RAI1: variants seen among roughly 807,000 people sequenced by gnomAD.
The protein encoded by RAI1 is retinoic acid-induced protein 1.
RAI1 carries 9 observed loss-of-function variants against 123.8 expected under a neutral mutation model. That is an observed-to-expected ratio of 0.07 (90% CI 0.04 to 0.13). The LOEUF (loss-of-function observed/expected upper bound fraction) is 0.13, where lower values mean the gene tolerates loss of function less well. Among genes scored for constraint, RAI1 ranks in the 10% least tolerant of loss-of-function variants. The probability of loss-of-function intolerance (pLI) is 1.00; values close to 1 mark genes in which losing one functional copy is unlikely to be tolerated. For missense variants in RAI1, 2,256 were observed against 2,545.8 expected, an observed-to-expected ratio of 0.89 and a Z score of 2.45; for synonymous variants, 1,231 against 1,127.3, an observed-to-expected ratio of 1.09 and a Z score of -1.84.
At chr17:17,748,510 A>G (rs2030016011) in intron 2 of RAI1, among the ~76,000 whole-genome samples, 1 of 152,224 alleles carries the variant, frequency 6.6e-6, no homozygotes, top group African/African-American at 2.4e-5. Flanking sequence ...GTCATGTTTA[A>G]TTTGTACCAA....
Position 17,810,895 on chromosome 17 carries a change from A to G in RAI1, c.*914A>G, listed in dbSNP as rs1481964095. The G allele has an allele frequency of 4.7e-6, 2 of 425,332 alleles. No individual in the cohort carries two copies. The highest frequency in any genetic ancestry group is 9.7e-6 in the Non-Finnish European group (2 of 205,346). The allele number at this position is 425,332 out of a possible 1,614,324, so 26.3% of individuals were successfully genotyped here. A position where few individuals can be genotyped will look rare whatever the true frequency, so the allele number is the denominator to read the frequency against. ...GACAGCGCTAGATTTCGTGTACAAA[A>G]CCTGTGTACCCCTCTATATATATGT... On this transcript the variant is annotated 3_prime_UTR_variant, in exon 6 of 6. Transcript: ENST00000353383. This position sits in a 1 kb window ranked among gnomAD's most constrained non-coding sequence, Gnocchi z 4.6.
intron 2 of RAI1, among the ~76,000 whole-genome samples, chr17:17,728,412 C>T (rs1335949881): frequency 6.6e-6 from 1 of 152,148 alleles, no homozygotes; most frequent in Non-Finnish European, 1.5e-5. Flanking sequence ...ACGATTATAT[C>T]CTGATTGAGC....
At chr17:17,719,187 G>A (rs1217514450) in intron 1 of RAI1, among the ~76,000 whole-genome samples, 1 of 152,086 alleles carries the variant, frequency 6.6e-6, no homozygotes, top group Non-Finnish European at 1.5e-5. Flanking sequence ...ACCACCCAAG[G>A]GAAAGCGTGT....
chr17:17,709,106 T>C (rs2142901561), intron 1 of RAI1, among the ~76,000 whole-genome samples: 1 of 152,058 alleles, frequency 6.6e-6, no homozygotes, highest in Non-Finnish European at 1.5e-5. Flanking sequence ...TCCCATATGC[T>C]CCAGCAGCCA....
At chr17:17,761,663 A>G (rs2030702884) in intron 2 of RAI1, among the ~76,000 whole-genome samples, 3 of 152,056 alleles carry the variant, frequency 2.0e-5, no homozygotes, top group Non-Finnish European at 4.4e-5. Context: ...GGAGGCACAA[A>G]AGGTTGGGAG....
intron 2 of RAI1, among the ~76,000 whole-genome samples, chr17:17,725,615 A>C (rs1598037476): frequency 6.6e-6 from 1 of 152,210 alleles, no homozygotes; most frequent in East Asian, 1.9e-4. Context: ...ATGCAGAGGA[A>C]GGGGAGAGGT....
chr17:17,794,562 C>T lies in RAI1; in HGVS notation c.1614C>T (p.Ser538=), dbSNP rs528659798. 1.2e-6 allele frequency: 2 copies of T among 1,613,060 alleles called. No individual in the cohort carries two copies. The highest frequency in any genetic ancestry group is 1.7e-6 in the Non-Finnish European group (2 of 1,180,032). ...TCTACTGCAACCAGGCCCGTGGCAG[C>T]CCTGCCAGGGTCAACAGCAACTCGA... ...SFLYCNQARG[S]PARVNSNSKA... is the part of the protein sequence containing the mutation. The change falls in exon 3 of 6, where the codon AGC becomes AGT. Residue 538 remains serine, a synonymous_variant. Transcript: ENST00000353383.
rs371996702 is a variant in RAI1, at chr17:17,795,861, T to C, written c.2913T>C (p.Ser971=). ...APGDSTTSDA[S]LAQKPNKPAV... is the part of the protein sequence containing the mutation. ...GGGATTCCACCACCTCGGACGCCTC[T>C]CTGGCCCAGAAGCCCAACAAGCCTG... The change falls in exon 3 of 6, where the codon TCT becomes TCC. Residue 971 remains serine, a synonymous_variant. Coordinates refer to ENST00000353383, the MANE Select transcript of RAI1 (RefSeq NM_030665.4). The surrounding 1 kb of genome is among the most constrained non-coding windows in gnomAD (Gnocchi z 5.9). 1 of 1,612,882 alleles carries C rather than the reference T, an allele frequency of 6.2e-7. No homozygotes were observed. Among genetic ancestry groups the C allele is most frequent in the Non-Finnish European group, 8.5e-7 (1 of 1,180,006 alleles).
chr17:17,795,591 C>T lies in RAI1; in HGVS notation c.2643C>T (p.Pro881=), dbSNP rs777499304. The T allele has an allele frequency of 6.2e-6, 10 of 1,612,486 alleles. 1 individual carries two copies. The highest frequency in any genetic ancestry group is 3.3e-5 in the South Asian group (3 of 90,898). Residue 881 remains proline, a synonymous_variant, in exon 3 of 6, where the codon CCC becomes CCT. Transcript: ENST00000353383. The surrounding 1 kb of genome is among the most constrained non-coding windows in gnomAD (Gnocchi z 5.9). ...CCCTATGTGAGCTCCTGGGCAGCCCCGAGCAGAGGCCTGGCATGCAGGACC... is the reference window on the plus strand; with the variant it reads ...CCCTATGTGAGCTCCTGGGCAGCCCTGAGCAGAGGCCTGGCATGCAGGACC... ...YSSLCELLGS[P]EQRPGMQDPL... is the part of the protein sequence containing the mutation.
chr17:17,768,888 T>C (rs1339156674), intron 2 of RAI1, among the ~76,000 whole-genome samples: 1 of 152,122 alleles, frequency 6.6e-6, no homozygotes. Context: ...CAGCACCCTT[T>C]CATGAGGGGG....
chr17:17,710,980 T>C (rs1915548301), intron 1 of RAI1, among the ~76,000 whole-genome samples: 1 of 152,078 alleles, frequency 6.6e-6, no homozygotes, highest in Non-Finnish European at 1.5e-5. Flanking sequence ...TAAGGCTGAT[T>C]TGTTTCCCAG....
rs560083163 is a variant in RAI1 at position 17,801,177 on chromosome 17, C to T, written c.5566-2579C>T. Among the ~76,000 whole-genome samples the T allele has an allele frequency of 2.6e-5, 4 of 152,298 alleles. No individual in the cohort carries two copies. The highest frequency in any genetic ancestry group is 9.6e-5 in the African/African-American group (4 of 41,568). On this transcript the variant is annotated intron_variant, in intron 3 of 5. Coordinates refer to ENST00000353383, the MANE Select transcript of RAI1 (RefSeq NM_030665.4). The surrounding 1 kb of genome is among the most constrained non-coding windows in gnomAD (Gnocchi z 4.1). Reference sequence around the variant, plus strand: ...CCTGCTATCTCTGAGCCCTGCCTGCCCTTCCCCCAAAGCCATCATAGACCC... The same window carrying T: ...CCTGCTATCTCTGAGCCCTGCCTGCTCTTCCCCCAAAGCCATCATAGACCC...
chr17:17,787,695 C>T (rs958140860), intron 2 of RAI1, among the ~76,000 whole-genome samples: 2 of 152,184 alleles, frequency 1.3e-5, no homozygotes, highest in Non-Finnish European at 2.9e-5. Flanking sequence ...TCCCAGGAAT[C>T]GGCACCAAGG....
At chr17:17,709,589 CT>C (rs978891408) in intron 1 of RAI1, among the ~76,000 whole-genome samples, 2 of 152,176 alleles carry the variant, frequency 1.3e-5, no homozygotes, top group Non-Finnish European at 2.9e-5. Flanking sequence ...CACTAGGTCT[CT>C]TTCCTTCCCT....
chr17:17,715,087 C>A (rs768839159), intron 1 of RAI1, among the ~76,000 whole-genome samples: 54 of 152,234 alleles, frequency 3.5e-4, no homozygotes, highest in Middle Eastern at 3.4e-3. Flanking sequence ...ACAGCCAGGA[C>A]AGGCCCAAGC....
chr17:17,687,796 G>T (rs1208821063), intron 1 of RAI1, among the ~76,000 whole-genome samples: 1 of 151,548 alleles, frequency 6.6e-6, no homozygotes, highest in African/African-American at 2.4e-5. Context: ...TTGGGAGGCC[G>T]AGGCAGGCGG....
chr17:17,719,150 C>T (rs913637304), intron 1 of RAI1, among the ~76,000 whole-genome samples: 6 of 152,216 alleles, frequency 3.9e-5, no homozygotes, highest in African/African-American at 1.4e-4. Flanking sequence ...GGCCCCACAT[C>T]TGCCCTCTTC....
At chr17:17,742,236 G>A (rs778371616) in intron 2 of RAI1, among the ~76,000 whole-genome samples, 11 of 152,176 alleles carry the variant, frequency 7.2e-5, no homozygotes, top group Non-Finnish European at 1.3e-4. Flanking sequence ...GCCCCACCCT[G>A]GCCTGTCCAC....
rs1464669957 is a variant in RAI1 at position 17,794,316 on chromosome 17, G to A, written c.1368G>A (p.Lys456=). 1 of 1,613,170 alleles carries A rather than the reference G, an allele frequency of 6.2e-7. No individual in the cohort carries two copies. The highest frequency in any genetic ancestry group is 1.6e-4 in the Middle Eastern group (1 of 6,062). The change falls in exon 3 of 6, where the codon AAG becomes AAA. Residue 456 remains lysine (K), a synonymous_variant. Transcript: ENST00000353383. ...CCGTCCAGCAGCTGCTGCTCTCCAA[G>A]GCTGCTGTGCCGCAGAAGAAAGGTG... The part of the protein sequence containing the change: ...SNTVQQLLLS[K]AAVPQKKGVK...
Sources: gnomAD v4.1 joint callset for allele counts (sites outside exome capture counted in the v4.1 genomes callset) on GRCh38, gnomAD v4.1.1 for gene constraint, Gnocchi (gnomAD v3.1) non-coding constraint, MANE v1.5 for transcripts, NCBI Gene and HGNC (gene_info 2026-07-23, HGNC 2026-07-21) for gene names.